Variants in LRP1B observed in about 807,000 individuals in gnomAD.
The protein encoded by LRP1B is low-density lipoprotein receptor-related protein 1B.
LRP1B carries 217 observed loss-of-function variants against 556.6 expected under a neutral mutation model. That is an observed-to-expected ratio of 0.39 (90% CI 0.35 to 0.44). LRP1B has a LOEUF of 0.44. Among genes scored for constraint, LRP1B ranks in the 20% least tolerant of loss-of-function variants. The probability of loss-of-function intolerance (pLI) is 1.00; values close to 1 mark genes in which losing one functional copy is unlikely to be tolerated. For missense variants in LRP1B, 5,053 were observed against 5,620.8 expected, an observed-to-expected ratio of 0.90 and a Z score of 3.23; for synonymous variants, 2,047 against 1,865.8, an observed-to-expected ratio of 1.10 and a Z score of -2.50.
chr2:140,324,154 CTTATTACT>C (rs535627581), intron 80 of LRP1B, 88 bp from the exon 81 acceptor site: 224 of 715,944 alleles, frequency 3.1e-4, no homozygotes, highest in African/African-American at 2.7e-3. Context: ...TATTGAAAAC[CTTATTACT>C]GTTTAAAAAT....
At chr2:141,923,762 G>A (rs1361438763) in intron 1 of LRP1B, among the ~76,000 whole-genome samples, 1 of 151,492 alleles carries the variant, frequency 6.6e-6, no homozygotes, top group East Asian at 2.0e-4. Flanking sequence ...CTCAAGCTAA[G>A]TGAAAAATAT....
At chr2:141,547,694 TCCTAC>T (rs1685601984) in intron 2 of LRP1B, among the ~76,000 whole-genome samples, 1 of 152,278 alleles carries the variant, frequency 6.6e-6, no homozygotes, top group African/African-American at 2.4e-5. Flanking sequence ...TTTTCTCATC[TCCTAC>T]CTCACCTTCC....
At chr2:141,913,469 A>C (rs1699957330) in intron 1 of LRP1B, among the ~76,000 whole-genome samples, 1 of 152,200 alleles carries the variant, frequency 6.6e-6, no homozygotes, top group African/African-American at 2.4e-5. Flanking sequence ...AGTTTGGGCC[A>C]GCACAGTCAG....
At chr2:141,231,618 CT>C (rs1683474040) in intron 5 of LRP1B, among the ~76,000 whole-genome samples, 1 of 144,416 alleles carries the variant, frequency 6.9e-6, no homozygotes, top group South Asian at 2.2e-4. Context: ...ACCCCCACCC[CT>C]GCCCCGCCCC....
intron 23 of LRP1B, among the ~76,000 whole-genome samples, chr2:140,897,645 G>A (rs576944001): frequency 9.4e-4 from 143 of 152,240 alleles, no homozygotes; most frequent in African/African-American, 3.2e-3. Context: ...ATAAAAGCAG[G>A]CAGAGGAATG....
intron 1 of LRP1B, among the ~76,000 whole-genome samples, chr2:141,834,870 T>G (rs1697221229): frequency 6.6e-6 from 1 of 151,934 alleles, no homozygotes; most frequent in Non-Finnish European, 1.5e-5. Context: ...AGCAAAAAAG[T>G]GCAGAGTGAA....
At chr2:141,816,306 C>T (rs1696543849) in intron 1 of LRP1B, among the ~76,000 whole-genome samples, 1 of 152,102 alleles carries the variant, frequency 6.6e-6, no homozygotes, top group Non-Finnish European at 1.5e-5. Flanking sequence ...GGCAGACCCA[C>T]CCTCAGTCTA....
At chr2:141,492,417 G>A (rs573049903) in intron 2 of LRP1B, among the ~76,000 whole-genome samples, 2 of 152,260 alleles carry the variant, frequency 1.3e-5, no homozygotes, top group East Asian at 3.9e-4. Context: ...AGTTTGCTCT[G>A]TGACTGTTGG....
At chr2:141,075,174 G>A (rs975195252) in intron 7 of LRP1B, among the ~76,000 whole-genome samples, 11 of 152,124 alleles carry the variant, frequency 7.2e-5, no homozygotes, top group South Asian at 2.1e-4. Context: ...GTTGGGTGAC[G>A]GATAGGGAGA....
chr2:141,986,609 G>T (rs888414966), intron 1 of LRP1B, among the ~76,000 whole-genome samples: 3 of 151,892 alleles, frequency 2.0e-5, no homozygotes, highest in African/African-American at 7.2e-5. Context: ...ATTATGCACA[G>T]AAATTTAAAA....
Position 142,108,988 on chromosome 2 carries a change from G to C in LRP1B, c.82+21660C>G, listed in dbSNP as rs76357829. On this transcript the variant is annotated intron_variant, in intron 1 of 90. Coordinates refer to ENST00000389484, the MANE Select transcript of LRP1B (RefSeq NM_018557.3). The stretch of plus-strand genomic sequence containing the variant: ...TGTATATTTTGCCCAACTGACGTCA[G>C]GTAAAGACAACTGAGTATTTCAAGT... 6.5e-4 allele frequency among the ~76,000 whole-genome samples: 99 copies of C among 152,266 alleles called. 1 individual carries two copies. In the East Asian group the frequency reaches 0.018, roughly 28 times the overall value.
At chr2:141,848,240 C>G (rs1697721888) in intron 1 of LRP1B, among the ~76,000 whole-genome samples, 1 of 151,486 alleles carries the variant, frequency 6.6e-6, no homozygotes, top group South Asian at 2.1e-4. Flanking sequence ...TATGTATATA[C>G]TATAGGTGTG....
At chr2:142,073,125 C>T (rs976901924) in intron 1 of LRP1B, among the ~76,000 whole-genome samples, 4 of 151,904 alleles carry the variant, frequency 2.6e-5, no homozygotes, top group South Asian at 2.1e-4. Context: ...TATTATTAGT[C>T]TAATACACTA....
intron 7 of LRP1B, among the ~76,000 whole-genome samples, chr2:141,143,162 C>T (rs1334527545): frequency 6.6e-6 from 1 of 152,086 alleles, no homozygotes; most frequent in African/African-American, 2.4e-5. Flanking sequence ...ATCTCCTGAC[C>T]TCGTGATCCA....
At chr2:140,702,400 T>A (rs778065974) in intron 38 of LRP1B, 27 bp downstream of exon 38, 4 of 1,612,280 alleles carry the variant, frequency 2.5e-6, no homozygotes. Context: ...TAAGGCACTT[T>A]AAATACTGAA....
chr2:140,695,964 C>T lies in LRP1B; in HGVS notation c.6799+4286G>A, dbSNP rs1686416106. Among the ~76,000 whole-genome samples the T allele has an allele frequency of 2.6e-5, 4 of 152,114 alleles. No homozygotes were observed. In the South Asian group the frequency reaches 8.3e-4, roughly 31 times the overall value. The stretch of plus-strand genomic sequence containing the variant: ...AAGAAAGCCTTTATCCCATCCATTT[C>T]TTATATTCAGCTATATGAAGGATCA... On this transcript the variant is annotated intron_variant, in intron 41 of 90. Coordinates refer to ENST00000389484, the MANE Select transcript of LRP1B (RefSeq NM_018557.3).
chr2:141,084,433 T>C (rs1001205217), intron 7 of LRP1B, among the ~76,000 whole-genome samples: 1 of 152,348 alleles, frequency 6.6e-6, no homozygotes, highest in East Asian at 1.9e-4. Context: ...TGACAATGTA[T>C]GTTAAATTGA....
chr2:141,950,514 G>A (rs150654374), intron 1 of LRP1B, among the ~76,000 whole-genome samples: 1 of 152,150 alleles, frequency 6.6e-6, no homozygotes, highest in Non-Finnish European at 1.5e-5. Context: ...TCAATTGTTT[G>A]AATTATATAG....
chr2:140,865,292 G>C (rs1174677209), intron 27 of LRP1B, among the ~76,000 whole-genome samples: 1 of 151,886 alleles, frequency 6.6e-6, no homozygotes, highest in Admixed American at 6.6e-5. Context: ...ATGGCAAATA[G>C]TATTTGTAAC....
Sources: gnomAD v4.1 joint callset for allele counts (sites outside exome capture counted in the v4.1 genomes callset) on GRCh38, gnomAD v4.1.1 for gene constraint, MANE v1.5 for transcripts, NCBI Gene and HGNC (gene_info 2026-07-23, HGNC 2026-07-21) for gene names.